CHL1: variants seen among roughly 807,000 people sequenced by gnomAD.
CHL1 encodes cell adhesion molecule L1 like, also known as neural cell adhesion molecule L1-like protein.
Under a neutral mutation model 141.9 loss-of-function variants are expected in CHL1, and 96 were observed. The ratio of observed to expected loss-of-function variants is 0.68; its 90% confidence interval spans 0.57 to 0.80. CHL1 has a LOEUF of 0.80. Among genes scored for constraint, CHL1 ranks in the 30% least tolerant of loss-of-function variants. The pLI is 0.00. For missense variants in CHL1, 1,820 were observed against 1,457.2 expected (o/e 1.25, Z -4.05); for synonymous variants, 613 against 502.2 (o/e 1.22, Z -2.95).
intron 5 of CHL1, among the ~76,000 whole-genome samples, chr3:335,676 A>C (rs79143368): frequency 2.0e-5 from 3 of 152,224 alleles, no homozygotes; most frequent in African/African-American, 7.2e-5. Context: ...TGATGGAAAA[A>C]GGGAAAATAA....
chr3:374,298 C>T (rs1442303810), intron 15 of CHL1, among the ~76,000 whole-genome samples: 1 of 152,082 alleles, frequency 6.6e-6, no homozygotes, highest in Non-Finnish European at 1.5e-5. Flanking sequence ...TAATTATATA[C>T]CTCTAAAGGC....
chr3:199,490 T>C (rs1698726939), intron 1 of CHL1, among the ~76,000 whole-genome samples: 1 of 152,232 alleles, frequency 6.6e-6, no homozygotes, highest in African/African-American at 2.4e-5. Context: ...ATAAGTACAC[T>C]GTACACTTCG....
intron 2 of CHL1, among the ~76,000 whole-genome samples, chr3:274,377 G>A (rs999322254): frequency 4.6e-5 from 7 of 152,114 alleles, no homozygotes; most frequent in African/African-American, 1.7e-4. Flanking sequence ...TATTTTAATA[G>A]GAATGTGTTT....
intron 24 of CHL1, among the ~76,000 whole-genome samples, chr3:397,106 T>A (rs1037977670): frequency 6.6e-6 from 1 of 152,174 alleles, no homozygotes; most frequent in African/African-American, 2.4e-5. Context: ...AAGATGGAGT[T>A]AATCAGAAAT....
At chr3:396,336 A>G (rs1708663188) in intron 24 of CHL1, among the ~76,000 whole-genome samples, 1 of 152,206 alleles carries the variant, frequency 6.6e-6, no homozygotes, top group South Asian at 2.1e-4. Flanking sequence ...TGCAACTGCC[A>G]TATTTTTAAA....
chr3:233,340 TG>T (rs1702025424), intron 1 of CHL1, among the ~76,000 whole-genome samples: 1 of 152,106 alleles, frequency 6.6e-6, no homozygotes, highest in Non-Finnish European at 1.5e-5. Context: ...GTTTCTGAGT[TG>T]CCTCTCTTGC....
intron 11 of CHL1, among the ~76,000 whole-genome samples, chr3:360,023 G>A (rs984378488): frequency 6.6e-6 from 1 of 152,136 alleles, no homozygotes; most frequent in Admixed American, 6.6e-5. Flanking sequence ...ATGAGTATAG[G>A]TATGGAAATT....
At chr3:261,400 A>G (rs1425548925) in intron 2 of CHL1, among the ~76,000 whole-genome samples, 1 of 152,210 alleles carries the variant, frequency 6.6e-6, no homozygotes, top group Non-Finnish European at 1.5e-5. Context: ...TCTCAAATTC[A>G]GAAAATAATA....
At chr3:327,868 T>G (rs1413072187) in intron 4 of CHL1, among the ~76,000 whole-genome samples, 2 of 151,864 alleles carry the variant, frequency 1.3e-5, no homozygotes, top group Non-Finnish European at 2.9e-5. Context: ...TCTTGTAGTC[T>G]CCAGAATATT....
In CHL1 at chr3:360,350, A is replaced by T. The variant is rs772729899; in HGVS notation, c.1232A>T (p.His411Leu). ...EISFTNLQPNHTAVYQCEASN... is the reference protein window; with the variant it reads ...EISFTNLQPNLTAVYQCEASN... ...AGTTTTACCAACCTTCAACCAAATC[A>T]TACTGCTGTGTACCAGTGTGAAGCC... Residue 411 changes from histidine to leucine, a missense_variant, in exon 12 of 28, where the codon CAT (histidine) becomes CTT (leucine). Physicochemically the swap from His to Leu is moderately conservative, Grantham distance 99 (BLOSUM62 -3). Transcript: ENST00000256509. 4 of 1,613,740 alleles carry T rather than the reference A, an allele frequency of 2.5e-6. No individual in the cohort carries two copies. The highest frequency in any genetic ancestry group is 3.4e-6 in the Non-Finnish European group (4 of 1,179,820).
intron 12 of CHL1, among the ~76,000 whole-genome samples, chr3:361,487 A>G (rs1335686046): frequency 6.6e-6 from 1 of 152,048 alleles, no homozygotes; most frequent in Non-Finnish European, 1.5e-5. Context: ...CAAAGGGCTA[A>G]TATCCAGAAT....
At chr3:236,782 G>A (rs1357984921) in intron 1 of CHL1, among the ~76,000 whole-genome samples, 2 of 148,986 alleles carry the variant, frequency 1.3e-5, no homozygotes, top group African/African-American at 5.2e-5. Flanking sequence ...CTTCCTCTGT[G>A]TGAATCCCAT....
intron 15 of CHL1, among the ~76,000 whole-genome samples, chr3:370,596 T>A (rs1429790541): frequency 1.3e-5 from 2 of 152,048 alleles, no homozygotes; most frequent in African/African-American, 4.8e-5. Flanking sequence ...TTCATATCTC[T>A]GTCTCCTTCA....
At chr3:304,042 T>A (rs1390354975) in intron 2 of CHL1, among the ~76,000 whole-genome samples, 1 of 152,202 alleles carries the variant, frequency 6.6e-6, no homozygotes, top group Non-Finnish European at 1.5e-5. Flanking sequence ...GATTTGCATA[T>A]GTTGAACCAG....
intron 2 of CHL1, among the ~76,000 whole-genome samples, chr3:298,487 C>T (rs1698413180): frequency 6.6e-6 from 1 of 152,136 alleles, no homozygotes; most frequent in African/African-American, 2.4e-5. Context: ...TAATTAAAAT[C>T]TCCATTTATA....
At position 361,817 on chromosome 3, in the gene CHL1, C is replaced by G; in HGVS notation, c.1418+7C>G. Reference sequence around the variant, plus strand: ...CTGAGGCAGTCGTGTCCTGGTAAGCCGGTGGCTCATGGTTTTCTTAAGAGA... The same window carrying G: ...CTGAGGCAGTCGTGTCCTGGTAAGCGGGTGGCTCATGGTTTTCTTAAGAGA... On this transcript the variant is annotated splice_region_variant and intron_variant, in intron 13 of 27. Coordinates refer to ENST00000256509, the MANE Select transcript of CHL1 (RefSeq NM_006614.4). 1 of 1,571,902 alleles carries G rather than the reference C, an allele frequency of 6.4e-7. No homozygotes were observed. Among genetic ancestry groups the G allele is most frequent in the Non-Finnish European group, 8.8e-7 (1 of 1,141,970 alleles).
intron 5 of CHL1, among the ~76,000 whole-genome samples, chr3:331,987 G>A (rs1701478544): frequency 1.3e-5 from 2 of 152,194 alleles, no homozygotes; most frequent in African/African-American, 4.8e-5. Flanking sequence ...TGACAGTCCA[G>A]TTTACTGCGT....
At chr3:224,907 G>A (rs562415527) in intron 1 of CHL1, among the ~76,000 whole-genome samples, 15 of 152,204 alleles carry the variant, frequency 9.9e-5, no homozygotes, top group African/African-American at 2.6e-4. Context: ...AGGCTGAGGC[G>A]TGCAGATCAC....
At chr3:395,017 C>T in intron 24 of CHL1, 145 bp downstream of exon 24, 2 of 684,820 alleles carry the variant, frequency 2.9e-6, no homozygotes, top group African/African-American at 3.7e-5. Flanking sequence ...CTTCTGTTTT[C>T]CACTGACATA....
Sources: gnomAD v4.1 joint callset for allele counts (sites outside exome capture counted in the v4.1 genomes callset) on GRCh38, gnomAD v4.1.1 for gene constraint, MANE v1.5 for transcripts, NCBI Gene and HGNC (gene_info 2026-07-23, HGNC 2026-07-21) for gene names.